The following ZC2HC1A variants were observed in gnomAD, a reference collection of about 807,000 sequenced individuals.
ZC2HC1A encodes zinc finger C2HC domain-containing protein 1A.
ZC2HC1A carries 28 observed loss-of-function variants against 40.7 expected under a neutral mutation model. That is an observed-to-expected ratio of 0.69 (90% CI 0.51 to 0.94). The LOEUF (loss-of-function observed/expected upper bound fraction) is 0.94, where lower values mean the gene tolerates loss of function less well. ZC2HC1A is among the 40% of genes least tolerant of loss of function. The probability of loss-of-function intolerance (pLI) is 0.00; values close to 1 mark genes in which losing one functional copy is unlikely to be tolerated. For synonymous variants in ZC2HC1A, 129 were observed against 129.2 expected (o/e 1.00, Z 0.01); for missense variants, 389 against 386.3 (o/e 1.01, Z -0.06).
At chr8:78,711,753 A>G (rs965893275) in intron 7 of ZC2HC1A, among the ~76,000 whole-genome samples, 7 of 151,756 alleles carry the variant, frequency 4.6e-5, no homozygotes, top group African/African-American at 1.7e-4. Context: ...GTATAATTTG[A>G]CATTTGTTTG....
At chr8:78,678,733 AATATT>A (rs1414551737) in intron 3 of ZC2HC1A, 54 bp downstream of exon 3, 2 of 1,222,344 alleles carry the variant, frequency 1.6e-6, no homozygotes, top group Non-Finnish European at 2.3e-6. Context: ...TATGTTGAAA[AATATT>A]ATATTATCTG....
At chr8:78,707,858 T>A (rs1282717312) in intron 7 of ZC2HC1A, among the ~76,000 whole-genome samples, 1 of 149,470 alleles carries the variant, frequency 6.7e-6, no homozygotes, top group Non-Finnish European at 1.5e-5. Flanking sequence ...TTTTTTTCTT[T>A]TTTTTTTTTT....
At chr8:78,712,815 T>C (rs971429233) in intron 7 of ZC2HC1A, among the ~76,000 whole-genome samples, 3 of 152,194 alleles carry the variant, frequency 2.0e-5, no homozygotes, top group African/African-American at 7.2e-5. Flanking sequence ...TTAATATACC[T>C]ATTAATGGTG....
At chr8:78,692,214 T>A (rs1332339084) in intron 5 of ZC2HC1A, among the ~76,000 whole-genome samples, 1 of 152,178 alleles carries the variant, frequency 6.6e-6, no homozygotes. Flanking sequence ...CCCTTTAGCC[T>A]CTGGTACTAC....
intron 1 of ZC2HC1A, among the ~76,000 whole-genome samples, chr8:78,670,463 A>T (rs1186108574): frequency 6.6e-6 from 1 of 152,218 alleles, no homozygotes; most frequent in Non-Finnish European, 1.5e-5. Flanking sequence ...TTGGGCAAAT[A>T]ACAACATACT....
intron 5 of ZC2HC1A, among the ~76,000 whole-genome samples, chr8:78,692,911 G>A (rs1586004724): frequency 6.6e-6 from 1 of 152,188 alleles, no homozygotes; most frequent in East Asian, 1.9e-4. Flanking sequence ...GCCCTGGGGT[G>A]TGATGTTCCC....
intron 1 of ZC2HC1A, among the ~76,000 whole-genome samples, chr8:78,666,805 T>G (rs184292766): frequency 6.6e-6 from 1 of 152,292 alleles, no homozygotes; most frequent in African/African-American, 2.4e-5. Flanking sequence ...TTCCTTATCT[T>G]TGGGTTTATC....
chr8:78,690,378 G>A (rs770145785), intron 5 of ZC2HC1A, among the ~76,000 whole-genome samples: 1 of 152,124 alleles, frequency 6.6e-6, no homozygotes, highest in African/African-American at 2.4e-5. Context: ...GGCTAACACG[G>A]TGAAACCCCG....
chr8:78,714,570 G>T (rs577999923), intron 7 of ZC2HC1A, among the ~76,000 whole-genome samples: 19 of 152,210 alleles, frequency 1.2e-4, no homozygotes, highest in African/African-American at 4.6e-4. Context: ...CCAAGCCTCT[G>T]CTTTTAGTGT....
At chr8:78,666,284 C>A (rs1284134878) in intron 1 of ZC2HC1A, 120 bp downstream of exon 1, 2 of 1,487,948 alleles carry the variant, frequency 1.3e-6, no homozygotes, top group Non-Finnish European at 1.8e-6. Context: ...CGCCGCGTCC[C>A]GCCGCGCCTC....
At chr8:78,716,072 A>AGTTC (rs1811091489) in intron 8 of ZC2HC1A, among the ~76,000 whole-genome samples, 1 of 149,520 alleles carries the variant, frequency 6.7e-6, no homozygotes, top group South Asian at 2.1e-4. Flanking sequence ...TATAGTGTAT[A>AGTTC]GTTCATCTAG....
rs369415900 is a variant in ZC2HC1A, at chr8:78,690,773, T to C, written c.504+1400T>C. Among the ~76,000 whole-genome samples, 272 of 152,268 alleles carry C rather than the reference T, an allele frequency of 1.8e-3. 1 individual carries two copies. Among genetic ancestry groups the C allele is most frequent in the African/African-American group, 6.2e-3 (258 of 41,564 alleles). On this transcript the variant is annotated intron_variant, in intron 5 of 8. Coordinates refer to ENST00000263849, the MANE Select transcript of ZC2HC1A (RefSeq NM_016010.3). ...GATCATTTAGGTTTTATTTTAGCAG[T>C]GTTTTGTAGTGTATATTATATAGGT...
In ZC2HC1A at chr8:78,718,234, T is replaced by G. The variant is rs1811165513; in HGVS notation, c.*741T>G. ...ACATATTTTTTTACTTCCAATTGTTTTTCCAGATTTCACTTTTCCTCTTTT... is the reference window on the plus strand; with the variant it reads ...ACATATTTTTTTACTTCCAATTGTTGTTCCAGATTTCACTTTTCCTCTTTT... On this transcript the variant is annotated 3_prime_UTR_variant, in exon 9 of 9. Coordinates refer to ENST00000263849, the MANE Select transcript of ZC2HC1A (RefSeq NM_016010.3). 1 of 152,070 alleles carries G rather than the reference T, an allele frequency of 6.6e-6. No homozygotes were observed. Among genetic ancestry groups the G allele is most frequent in the Non-Finnish European group, 1.5e-5 (1 of 67,902 alleles). The allele number at this position is 152,070 out of a possible 1,614,324, so 9.4% of individuals were successfully genotyped here.
chr8:78,689,423 A>G (rs202184308), intron 5 of ZC2HC1A, 50 bp downstream of exon 5: 1 of 1,478,278 alleles, frequency 6.8e-7, no homozygotes, highest in Non-Finnish European at 9.0e-7. Flanking sequence ...GCTCATGGAC[A>G]TTCATAGATT....
chr8:78,706,157 G>C (rs373565146), intron 7 of ZC2HC1A, among the ~76,000 whole-genome samples: 2 of 152,106 alleles, frequency 1.3e-5, no homozygotes, highest in East Asian at 3.9e-4. Context: ...CCTTCCCCTG[G>C]GAGTTCCATC....
At chr8:78,702,070 G>A (rs1810623982) in intron 7 of ZC2HC1A, among the ~76,000 whole-genome samples, 1 of 152,136 alleles carries the variant, frequency 6.6e-6, no homozygotes, top group Non-Finnish European at 1.5e-5. Flanking sequence ...TGTGCATCTA[G>A]TAGAATTCAG....
At chr8:78,690,377 G>A (rs1423051071) in intron 5 of ZC2HC1A, among the ~76,000 whole-genome samples, 1 of 152,176 alleles carries the variant, frequency 6.6e-6, no homozygotes, top group African/African-American at 2.4e-5. Flanking sequence ...TGGCTAACAC[G>A]GTGAAACCCC....
At chr8:78,691,577 A>G (rs781292319) in intron 5 of ZC2HC1A, among the ~76,000 whole-genome samples, 29 of 151,888 alleles carry the variant, frequency 1.9e-4, no homozygotes, top group Admixed American at 4.6e-4. Context: ...ATTTGGTGCA[A>G]TTATTGATTT....
chr8:78,697,669 T>G (rs184528719), intron 6 of ZC2HC1A, among the ~76,000 whole-genome samples, 163 bp downstream of exon 6: 3 of 151,980 alleles, frequency 2.0e-5, no homozygotes, highest in Admixed American at 1.3e-4. Context: ...TTTGAGTAGT[T>G]TCTACTTTTA....
Sources: gnomAD v4.1 joint callset for allele counts (sites outside exome capture counted in the v4.1 genomes callset) on GRCh38, gnomAD v4.1.1 for gene constraint, MANE v1.5 for transcripts, NCBI Gene and HGNC (gene_info 2026-07-23, HGNC 2026-07-21) for gene names.